Variants in ZDHHC24 observed in about 807,000 individuals in gnomAD.
ZDHHC24 encodes the protein zDHHC palmitoyltransferase 24, also known as probable palmitoyltransferase ZDHHC24.
A neutral mutation model predicts 23.2 loss-of-function variants in ZDHHC24; 17 were observed. The observed-to-expected ratio is 0.73, with a 90% CI of 0.50 to 1.10. ZDHHC24 has a LOEUF of 1.10. ZDHHC24 is among the 50% of genes least tolerant of loss of function. ZDHHC24 has a pLI of 0.00. For missense variants in ZDHHC24, 366 were observed against 393.0 expected, an observed-to-expected ratio of 0.93 and a Z score of 0.58; for synonymous variants, 186 against 194.5, an observed-to-expected ratio of 0.96 and a Z score of 0.36.
downstream of ZDHHC24, chr11:66,531,788 G>A (rs1218488378): frequency 1.2e-6 from 2 of 1,613,932 alleles, no homozygotes; most frequent in Admixed American, 3.3e-5. Context: ...AGGACCCTGG[G>A]GAGGACAGTA....
At chr11:66,531,557 G>A (rs1014847706), downstream of ZDHHC24, 1 of 1,501,330 alleles carries the variant, frequency 6.7e-7, no homozygotes, top group Non-Finnish European at 9.3e-7. Context: ...CCCTGCAGGG[G>A]TGCTGAGGCT....
intron 3 of ZDHHC24, chr11:66,527,142 G>T: frequency 3.5e-6 from 3 of 845,144 alleles, no homozygotes; most frequent in Non-Finnish European, 5.7e-6. Flanking sequence ...TTTGGCAGAG[G>T]TGGGAGGACA....
chr11:66,523,421 C>T, intron 4 of ZDHHC24: 1 of 1,614,144 alleles, frequency 6.2e-7, no homozygotes, highest in Non-Finnish European at 8.5e-7. Context: ...GAGAGGATTT[C>T]TCTGGGGCCA....
exon 5 of ZDHHC24, chr11:66,521,231 C>A: frequency 6.6e-7 from 1 of 1,519,256 alleles, no homozygotes; most frequent in Non-Finnish European, 9.1e-7. Flanking sequence ...GGGACGGGGG[C>A]TCCAGAGAAA....
At chr11:66,530,161 T>G (rs1856710075) in intron 2 of ZDHHC24, among the ~76,000 whole-genome samples, 1 of 151,898 alleles carries the variant, frequency 6.6e-6, no homozygotes, top group African/African-American at 2.4e-5. Flanking sequence ...GTGCCACCTC[T>G]CCCCTCGGCT....
downstream of ZDHHC24, among the ~76,000 whole-genome samples, chr11:66,535,372 CT>C (rs759509135): frequency 0.025 from 3,340 of 134,470 alleles, 56 homozygotes; most frequent in Non-Finnish European, 0.035. Flanking sequence ...CCACACAAGG[CT>C]TTTTTTTTTT....
chr11:66,526,080 C>T (rs994125936), intron 4 of ZDHHC24: 1 of 1,600,630 alleles, frequency 6.2e-7, no homozygotes, highest in East Asian at 2.2e-5. Context: ...TTGCTTTCCT[C>T]TCCAAGATAT....
At position 66,545,144 on chromosome 11, in the gene ZDHHC24, A is replaced by T. The variant is rs1307522208; in HGVS notation, c.281+579T>A. Among the ~76,000 whole-genome samples the T allele has an allele frequency of 6.6e-6, 1 of 152,044 alleles. No individual in the cohort carries two copies. On this transcript the variant is annotated intron_variant, in intron 1 of 2. Coordinates refer to ENST00000310442, the MANE Select transcript of ZDHHC24 (RefSeq NM_207340.3). The surrounding 1 kb of genome is among the most constrained non-coding windows in gnomAD (Gnocchi z 4.5). The stretch of plus-strand genomic sequence containing the variant: ...AACCTCCGCCTCCCAGGTTCAAACA[A>T]TTCTCTTGCCTCAGCCTCCCCAGTA...
At chr11:66,535,358 A>C (rs1044097403), downstream of ZDHHC24, among the ~76,000 whole-genome samples, 1 of 139,788 alleles carries the variant, frequency 7.2e-6, no homozygotes. Flanking sequence ...CTACAGACGC[A>C]CTACCACACA....
chr11:66,529,908 C>G (rs1856697093), intron 2 of ZDHHC24: 1 of 1,606,936 alleles, frequency 6.2e-7, no homozygotes, highest in Non-Finnish European at 8.5e-7. Context: ...CAGCCTGAGC[C>G]CCCTGTCCAC....
At chr11:66,524,274 C>A in intron 4 of ZDHHC24, 2 of 310,296 alleles carry the variant, frequency 6.4e-6, no homozygotes, top group African/African-American at 2.2e-5. Context: ...AGCGAGACTC[C>A]ATCTTAAAAA....
At chr11:66,526,735 A>T in intron 4 of ZDHHC24, 3 of 1,614,248 alleles carry the variant, frequency 1.9e-6, no homozygotes, top group Non-Finnish European at 2.5e-6. Flanking sequence ...AGCCCAGGCC[A>T]TGAAACTCAA....
rs1857296279 is a variant in ZDHHC24 at position 66,545,719 on chromosome 11, TCA to T, written c.281+2_281+3del. 2 of 1,539,562 alleles carry T rather than the reference TCA, an allele frequency of 1.3e-6. No individual in the cohort carries two copies. Among genetic ancestry groups the T allele is most frequent in the South Asian group, 2.4e-5 (2 of 82,166 alleles). On this transcript the variant is annotated splice_donor_variant and splice_donor_region_variant and intron_variant, in intron 1 of 2. Coordinates refer to ENST00000310442, the MANE Select transcript of ZDHHC24 (RefSeq NM_207340.3). LOFTEE classifies it high-confidence loss of function. This position sits in a 1 kb window ranked among gnomAD's most constrained non-coding sequence, Gnocchi z 4.5. ...CTCCCCGCCCGATCCCGCACCCCACTCACGCCCAGCCCTGGCCCAGACCGCGG... is the reference window on the plus strand; with the variant it reads ...CTCCCCGCCCGATCCCGCACCCCACTCGCCCAGCCCTGGCCCAGACCGCGG...
chr11:66,528,444 TGAGGGGA>T (rs1856613731), intron 3 of ZDHHC24, among the ~76,000 whole-genome samples: 1 of 152,048 alleles, frequency 6.6e-6, no homozygotes, highest in South Asian at 2.1e-4. Context: ...AAAATAAGAA[TGAGGGGA>T]CTTACCCTAT....
rs552009267 is a variant in ZDHHC24 at position 66,538,414 on chromosome 11, A to C, written c.*1115T>G. On this transcript the variant is annotated 3_prime_UTR_variant, in exon 3 of 3. Transcript: ENST00000310442. ...CTCCGTCTCAAAAAAGAAAAAAAAA[A>C]AAATCAGCCGGGCATAGTGGCGGGT... The C allele has an allele frequency of 2.0e-5, 3 of 152,010 alleles. No individual in the cohort carries two copies. Among genetic ancestry groups the C allele is most frequent in the African/African-American group, 7.2e-5 (3 of 41,382 alleles). The allele number at this position is 152,010 out of a possible 1,614,324, so 9.4% of individuals were successfully genotyped here.
At chr11:66,542,179 G>A (rs1317550564) in intron 2 of ZDHHC24, among the ~76,000 whole-genome samples, 1 of 152,068 alleles carries the variant, frequency 6.6e-6, no homozygotes, top group Non-Finnish European at 1.5e-5. Context: ...GGTTTGAGCT[G>A]CTGTTGCTGG....
Position 66,526,327 on chromosome 11 carries a change from C to T in ZDHHC24, c.*21+609G>A, listed in dbSNP as rs372998849. 8.7e-5 allele frequency: 80 copies of T among 918,970 alleles called. No individual in the cohort carries two copies. In the African/African-American group the frequency reaches 1.1e-3, roughly 13 times the overall value. 56.9% of individuals were successfully genotyped at this position (918,970 alleles called of 1,614,324 possible). On this transcript the variant is annotated intron_variant, in intron 4 of 4. Transcript: ENST00000526986. ...GGAAAGTAAGGCCTACAGAAGTGTC[C>T]TTCTGGAGCTAGGCCTCCACTGGGA...
At chr11:66,531,799 AG>A (rs757107140), downstream of ZDHHC24, 4 of 1,600,290 alleles carry the variant, frequency 2.5e-6, no homozygotes, top group Non-Finnish European at 8.5e-7. Flanking sequence ...GAGGACAGTA[AG>A]GGTGAGTGCC....
chr11:66,532,619 T>A, downstream of ZDHHC24: 1 of 154,904 alleles, frequency 6.5e-6, no homozygotes, highest in Non-Finnish European at 1.4e-5. Flanking sequence ...AGGAAACTTC[T>A]CTGAAATCTT....
Sources: allele counts gnomAD v4.1 joint callset (sites outside exome capture counted in the v4.1 genomes callset), GRCh38; gene constraint gnomAD v4.1.1; non-coding constraint Gnocchi (gnomAD v3.1); transcripts MANE v1.5; gene names NCBI Gene and HGNC (gene_info 2026-07-23, HGNC 2026-07-21).